The following SRFBP1 variants were observed in gnomAD, a reference collection of about 807,000 sequenced individuals.
SRFBP1 encodes serum response factor-binding protein 1.
In SRFBP1, 47 loss-of-function variants were observed where a neutral mutation model predicts 45.5. The observed-to-expected ratio is 1.03, with a 90% CI of 0.82 to 1.32. SRFBP1 has a LOEUF of 1.32. SRFBP1 is among the 40% of genes most tolerant of loss of function. The pLI is 0.00. For missense variants in SRFBP1, 621 were observed against 484.6 expected (o/e 1.28, Z -2.64); for synonymous variants, 203 against 166.3 (o/e 1.22, Z -1.70).
intron 3 of SRFBP1, among the ~76,000 whole-genome samples, chr5:121,992,584 C>T (rs542245074): frequency 1.3e-5 from 2 of 152,148 alleles, no homozygotes; most frequent in South Asian, 4.1e-4. Context: ...TTCATAGGCT[C>T]ATGGACGTCT....
chr5:121,987,180 A>G (rs1459090788), intron 3 of SRFBP1, among the ~76,000 whole-genome samples: 1 of 152,124 alleles, frequency 6.6e-6, no homozygotes, highest in East Asian at 1.9e-4. Flanking sequence ...AATGGAGGGA[A>G]CAGATAAAAC....
intron 7 of SRFBP1, 51 bp from the exon 8 acceptor site, chr5:122,026,891 T>C: frequency 7.9e-7 from 1 of 1,262,474 alleles, no homozygotes; most frequent in Non-Finnish European, 1.1e-6. Flanking sequence ...TTACTTCTCC[T>C]ATATGCTCTT....
intron 2 of SRFBP1, among the ~76,000 whole-genome samples, chr5:122,055,095 A>G (rs963009971): frequency 6.6e-6 from 1 of 152,160 alleles, no homozygotes; most frequent in Admixed American, 6.5e-5. Flanking sequence ...CTTGTAAATG[A>G]CATACATTTC....
intron 1 of SRFBP1, among the ~76,000 whole-genome samples, chr5:121,973,922 T>C (rs866303417): frequency 1.3e-5 from 2 of 151,888 alleles, no homozygotes; most frequent in African/African-American, 2.4e-5. Flanking sequence ...CAGCAAGATA[T>C]AAGTGTAACA....
chr5:122,028,266 A>G lies in SRFBP1; in HGVS notation c.*1140A>G, dbSNP rs1753529452. 1 of 152,210 alleles carries G rather than the reference A, an allele frequency of 6.6e-6. No homozygotes were observed. Among genetic ancestry groups the G allele is most frequent in the Non-Finnish European group, 1.5e-5 (1 of 68,048 alleles). 9.4% of individuals were successfully genotyped at this position (152,210 alleles called of 1,614,324 possible). On this transcript the variant is annotated 3_prime_UTR_variant, in exon 8 of 8. Coordinates refer to ENST00000339397, the MANE Select transcript of SRFBP1 (RefSeq NM_152546.3). ...AGGGAAGGCCATCTGGTTAACCTGT[A>G]TTCACAAACTCTCAAGAGTTTCTAC...
chr5:122,073,407 G>A (rs1754510421), intron 2 of SRFBP1, among the ~76,000 whole-genome samples: 2 of 152,112 alleles, frequency 1.3e-5, no homozygotes, highest in Admixed American at 1.3e-4. Context: ...GTGTCCTTCT[G>A]CTCTTATTTG....
intron 1 of SRFBP1, among the ~76,000 whole-genome samples, chr5:121,968,221 C>CATT (rs5870986): frequency 0.05 from 7,288 of 144,646 alleles, 251 homozygotes; most frequent in African/African-American, 0.095. Context: ...CAAACTCTGT[C>CATT]ATTATTATTA....
chr5:122,038,579 A>G (rs962748024), intron 2 of SRFBP1, among the ~76,000 whole-genome samples: 38 of 152,224 alleles, frequency 2.5e-4, no homozygotes, highest in African/African-American at 9.2e-4. Flanking sequence ...GAGATTGTGT[A>G]CAAAGATCCA....
intron 1 of SRFBP1, among the ~76,000 whole-genome samples, chr5:121,973,615 T>G (rs368310479): frequency 1.2e-3 from 155 of 131,000 alleles, no homozygotes; most frequent in Middle Eastern, 3.7e-3. Context: ...CATGTGTGTG[T>G]GGGGGGGGGG....
At chr5:122,006,063 TTTC>T (rs1752966048) in intron 4 of SRFBP1, among the ~76,000 whole-genome samples, 1 of 152,180 alleles carries the variant, frequency 6.6e-6, no homozygotes, top group African/African-American at 2.4e-5. Flanking sequence ...CCCTTTATCA[TTTC>T]TTCTTGTAAG....
At position 121,998,899 on chromosome 5, in the gene SRFBP1, C is replaced by G. The variant is rs191636430; in HGVS notation, c.270+4229C>G. Among the ~76,000 whole-genome samples the G allele has an allele frequency of 1.9e-3, 286 of 152,216 alleles. 1 individual carries two copies. The highest frequency in any genetic ancestry group is 2.6e-3 in the African/African-American group (109 of 41,548). On this transcript the variant is annotated intron_variant, in intron 4 of 7. Coordinates refer to ENST00000339397, the MANE Select transcript of SRFBP1 (RefSeq NM_152546.3). ...TTGGATTTTCTACTCCTGCTTCTTC[C>G]TTACTAATTCCCTTTTATAATTTGT...
At chr5:122,021,828 C>G (rs1753329974) in intron 6 of SRFBP1, among the ~76,000 whole-genome samples, 1 of 151,484 alleles carries the variant, frequency 6.6e-6, no homozygotes, top group Non-Finnish European at 1.5e-5. Context: ...AGGCGCATGC[C>G]ACCACGCCCG....
chr5:122,029,812 G>A (rs776528953), downstream of SRFBP1, among the ~76,000 whole-genome samples: 32 of 152,090 alleles, frequency 2.1e-4, no homozygotes, highest in Non-Finnish European at 4.1e-4. Flanking sequence ...ATATAGAAGG[G>A]CAAATCCAGT....
rs537636249 is a variant in SRFBP1 at position 122,000,413 on chromosome 5, C to T, written c.270+5743C>T. Among the ~76,000 whole-genome samples, 71 of 151,906 alleles carry T rather than the reference C, an allele frequency of 4.7e-4. 2 individuals carry two copies. The South Asian group carries it at 0.015, about 31-fold the overall frequency. On this transcript the variant is annotated intron_variant, in intron 4 of 7. Coordinates refer to ENST00000339397, the MANE Select transcript of SRFBP1 (RefSeq NM_152546.3). ...TGCTCTTTATTTCCTTGTTTAAATC[C>T]AAGTTTTCTGCTGGTGTATTTGTTT...
intron 2 of SRFBP1, among the ~76,000 whole-genome samples, chr5:122,036,089 C>T (rs541005173): frequency 1.3e-5 from 2 of 152,218 alleles, no homozygotes; most frequent in African/African-American, 2.4e-5. Flanking sequence ...AAACTCTGCA[C>T]GTTCCCAAGA....
intron 2 of SRFBP1, among the ~76,000 whole-genome samples, chr5:122,037,024 G>A (rs968668464): frequency 5.3e-5 from 8 of 151,702 alleles, no homozygotes; most frequent in Admixed American, 2.6e-4. Flanking sequence ...TCAAGCTCCC[G>A]AGTAGCTGGG....
intron 4 of SRFBP1, among the ~76,000 whole-genome samples, chr5:122,006,271 T>G (rs1455788765): frequency 6.6e-6 from 1 of 152,184 alleles, no homozygotes; most frequent in Non-Finnish European, 1.5e-5. Flanking sequence ...GCTAGTCTTA[T>G]TGGAACTCTC....
intron 3 of SRFBP1, among the ~76,000 whole-genome samples, chr5:121,992,727 A>G (rs180707370): frequency 1.3e-5 from 2 of 152,192 alleles, no homozygotes; most frequent in Admixed American, 1.3e-4. Context: ...TCCCTTTCTC[A>G]ATCAAATAAC....
At chr5:121,973,615 T>TGG (rs751670677) in intron 1 of SRFBP1, among the ~76,000 whole-genome samples, 5 of 130,938 alleles carry the variant, frequency 3.8e-5, no homozygotes, top group African/African-American at 8.3e-5. Flanking sequence ...CATGTGTGTG[T>TGG]GGGGGGGGGG....
Sources: allele counts gnomAD v4.1 joint callset (sites outside exome capture counted in the v4.1 genomes callset), GRCh38; gene constraint gnomAD v4.1.1; transcripts MANE v1.5; gene names NCBI Gene and HGNC (gene_info 2026-07-23, HGNC 2026-07-21).